The following SRGAP3 variants were observed in gnomAD, a reference collection of about 807,000 sequenced individuals.
SRGAP3 encodes the protein SLIT-ROBO Rho GTPase activating protein 3.
Under a neutral mutation model 121.1 loss-of-function variants are expected in SRGAP3, and 39 were observed. The ratio of observed to expected loss-of-function variants is 0.32; its 90% CI spans 0.25 to 0.42. SRGAP3 has a LOEUF of 0.42. Ranked by LOEUF, SRGAP3 falls within the 10% of genes least tolerant of loss-of-function variation. The pLI is 1.00. For missense variants in SRGAP3, 1,213 were observed against 1,470.6 expected (o/e 0.82, Z 2.86); for synonymous variants, 601 against 570.0 (o/e 1.05, Z -0.77).
At chr3:9,301,617 T>C (rs546889812) in intron 3 of SRGAP3, among the ~76,000 whole-genome samples, 2 of 152,336 alleles carry the variant, frequency 1.3e-5, no homozygotes, top group Middle Eastern at 3.4e-3. Context: ...TGTGGCTCCT[T>C]TGGGAGCCTG....
At chr3:9,254,726 G>A (rs1038861185) in intron 3 of SRGAP3, among the ~76,000 whole-genome samples, 3 of 151,970 alleles carry the variant, frequency 2.0e-5, no homozygotes, top group African/African-American at 4.8e-5. Flanking sequence ...CACCCAAGAG[G>A]TGGAGGGTGC....
At chr3:9,282,477 ATTTGTTTTTGTT>A (rs200450741) in intron 3 of SRGAP3, among the ~76,000 whole-genome samples, 1 of 151,578 alleles carries the variant, frequency 6.6e-6, no homozygotes, top group East Asian at 1.9e-4. Context: ...GTTATGATAT[ATTTGTTTTTGTT>A]TTTGTTTTTG....
chr3:9,286,517 T>C (rs1012533525), intron 3 of SRGAP3, among the ~76,000 whole-genome samples: 1 of 150,602 alleles, frequency 6.6e-6, no homozygotes, highest in Non-Finnish European at 1.5e-5. Context: ...AATCCAAGAT[T>C]GATCAGTACC....
intron 3 of SRGAP3, among the ~76,000 whole-genome samples, chr3:9,311,671 A>G (rs1032265039): frequency 3.3e-5 from 5 of 152,198 alleles, no homozygotes; most frequent in Admixed American, 1.3e-4. Context: ...AACTATTCAA[A>G]TATGTAAAAG....
At chr3:9,332,607 G>A (rs753030683) in intron 1 of SRGAP3, among the ~76,000 whole-genome samples, 18 of 152,252 alleles carry the variant, frequency 1.2e-4, no homozygotes, top group Non-Finnish European at 2.4e-4. Flanking sequence ...AAAAAAGAAT[G>A]TCAAGAGAGT....
intron 10 of SRGAP3, among the ~76,000 whole-genome samples, chr3:9,038,588 A>G (rs1944880783): frequency 6.6e-6 from 1 of 152,260 alleles, no homozygotes; most frequent in Non-Finnish European, 1.5e-5. Flanking sequence ...ACCAGCCGTA[A>G]GGCTGGTGCT....
intron 1 of SRGAP3, among the ~76,000 whole-genome samples, chr3:9,229,231 T>G (rs1329969048): frequency 6.6e-6 from 1 of 152,198 alleles, no homozygotes; most frequent in Non-Finnish European, 1.5e-5. Context: ...ATTGCACTTC[T>G]AAGAAGCTCA....
chr3:9,277,051 C>CAT (rs1954597018), intron 3 of SRGAP3, among the ~76,000 whole-genome samples: 1 of 152,184 alleles, frequency 6.6e-6, no homozygotes, highest in Non-Finnish European at 1.5e-5. Context: ...CTCATTTTCT[C>CAT]ATATAGCATA....
chr3:8,987,619 G>A (rs1481686098), intron 21 of SRGAP3, among the ~76,000 whole-genome samples: 2 of 123,064 alleles, frequency 1.6e-5, no homozygotes, highest in Admixed American at 7.3e-5. Context: ...CTTGCTCCCC[G>A]CATTGTCACA....
intron 18 of SRGAP3, among the ~76,000 whole-genome samples, chr3:9,002,781 G>C (rs1275373201): frequency 6.6e-6 from 1 of 151,750 alleles, no homozygotes; most frequent in Admixed American, 6.6e-5. Context: ...TTTTACAGGA[G>C]AAAAAGGATC....
At chr3:9,175,235 C>T (rs960243682) in intron 1 of SRGAP3, among the ~76,000 whole-genome samples, 2 of 152,224 alleles carry the variant, frequency 1.3e-5, no homozygotes, top group African/African-American at 4.8e-5. Flanking sequence ...AGAACTCCCA[C>T]AGCAGGCTGG....
At chr3:9,315,034 G>T (rs1233964839) in intron 3 of SRGAP3, among the ~76,000 whole-genome samples, 2 of 152,220 alleles carry the variant, frequency 1.3e-5, no homozygotes, top group Non-Finnish European at 2.9e-5. Flanking sequence ...GCACTATGAA[G>T]ATTTATTGGC....
chr3:9,332,373 G>T (rs560801074), intron 1 of SRGAP3, among the ~76,000 whole-genome samples: 7 of 152,194 alleles, frequency 4.6e-5, no homozygotes, highest in Non-Finnish European at 1.0e-4. Flanking sequence ...ACCTGCCTTG[G>T]CCTTCCAAAG....
At chr3:9,053,712 C>T (rs1945692477) in intron 8 of SRGAP3, among the ~76,000 whole-genome samples, 1 of 152,212 alleles carries the variant, frequency 6.6e-6, no homozygotes, top group African/African-American at 2.4e-5. Context: ...TACTGGACTC[C>T]TATCAAAAGC....
At chr3:9,133,562 A>G (rs140952449) in intron 1 of SRGAP3, among the ~76,000 whole-genome samples, 42 of 152,284 alleles carry the variant, frequency 2.8e-4, no homozygotes, top group African/African-American at 1.0e-3. Flanking sequence ...TTTACAGCAC[A>G]CTAGAATTCC....
chr3:9,318,223 T>C (rs562317194), intron 3 of SRGAP3, among the ~76,000 whole-genome samples: 1 of 151,934 alleles, frequency 6.6e-6, no homozygotes, highest in African/African-American at 2.4e-5. Flanking sequence ...GTCTGGCCCA[T>C]AGGCACCAGT....
At chr3:9,268,910 C>T (rs1954420876) in intron 3 of SRGAP3, among the ~76,000 whole-genome samples, 1 of 152,206 alleles carries the variant, frequency 6.6e-6, no homozygotes. Flanking sequence ...CTCCCTGAGA[C>T]ATCCAACGCT....
Position 9,173,463 on chromosome 3 carries a change from G to A in SRGAP3, c.68-48546C>T, listed in dbSNP as rs116809261. ...ATAAAACAGTTCCTGCACTCAAGCC[G>A]CTCACTGGACAGTGGGAGAAATAGC... is the stretch of plus-strand genomic sequence containing the variant. On this transcript the variant is annotated intron_variant, in intron 1 of 21. Transcript: ENST00000383836. Among the ~76,000 whole-genome samples, 955 of 152,326 alleles carry A rather than the reference G, an allele frequency of 6.3e-3. 3 individuals carry two copies. Among genetic ancestry groups the A allele is most frequent in the Middle Eastern group, 0.02 (6 of 294 alleles).
chr3:8,985,582 C>T lies in SRGAP3; in HGVS notation c.3237G>A (p.Pro1079=), dbSNP rs763386146. The T allele has an allele frequency of 1.9e-6, 3 of 1,565,322 alleles. No homozygotes were observed. The highest frequency in any genetic ancestry group is 1.5e-5 in the African/African-American group (1 of 68,294). ...ACATCTTCTCGGTGGGCGTCACGGC[C>T]GGGCTGCCCACGCCCGAGCTGCTGC... ...SSSSSSGVGS[P]AVTPTEKMFP... The change falls in exon 22 of 22, where the codon CCG becomes CCA. Residue 1079 remains proline (P), a synonymous_variant. Transcript: ENST00000383836. This position sits in a 1 kb window ranked among gnomAD's most constrained non-coding sequence, Gnocchi z 5.1.
Sources: allele counts gnomAD v4.1 joint callset (sites outside exome capture counted in the v4.1 genomes callset), GRCh38; gene constraint gnomAD v4.1.1; non-coding constraint Gnocchi (gnomAD v3.1); transcripts MANE v1.5; gene names NCBI Gene and HGNC (gene_info 2026-07-23, HGNC 2026-07-21).